Variants in TMEM177 observed in about 807,000 individuals in gnomAD.
The protein encoded by TMEM177 is transmembrane protein 177.
Under a neutral mutation model 14.2 loss-of-function variants are expected in TMEM177, and 4 were observed. The ratio of observed to expected loss-of-function variants is 0.28; its 90% CI spans 0.14 to 0.64. The LOEUF (loss-of-function observed/expected upper bound fraction) is 0.64, where lower values mean the gene tolerates loss of function less well. TMEM177 is among the 30% of genes least tolerant of loss of function. The pLI, the probability that TMEM177 is intolerant of heterozygous loss-of-function variation, is 0.82. For missense variants in TMEM177, 344 were observed against 405.2 expected (o/e 0.85, Z 1.30); for synonymous variants, 179 against 174.5 (o/e 1.03, Z -0.20).
chr2:119,698,637 A>G, the TMEM177 span: 2 of 182,310 alleles, frequency 1.1e-5, no homozygotes, highest in South Asian at 1.3e-4. Context: ...TTCGCTATTC[A>G]TTTGACCCAG....
At chr2:119,706,020 T>TATA in the TMEM177 span, among the ~76,000 whole-genome samples, 713 of 13,392 alleles carry the variant, frequency 0.053, 6 homozygotes, top group African/African-American at 0.088. Flanking sequence ...ATTATATATA[T>TATA]TTATATATAT....
the TMEM177 span, among the ~76,000 whole-genome samples, chr2:119,705,990 A>ATATTATATATTATATATTATATAT: frequency 2.1e-4 from 3 of 14,606 alleles, no homozygotes; most frequent in Non-Finnish European, 7.5e-4. Context: ...CTCTCTATAT[A>ATATTATATATTATATATTATATAT]TATATATTAT....
At chr2:119,702,731 G>T in the TMEM177 span, among the ~76,000 whole-genome samples, 1 of 152,228 alleles carries the variant, frequency 6.6e-6, no homozygotes, top group Non-Finnish European at 1.5e-5. Context: ...GGTGGTTGGG[G>T]AGTGTGATTG....
chr2:119,706,506 T>A, the TMEM177 span, among the ~76,000 whole-genome samples: 2 of 152,204 alleles, frequency 1.3e-5, no homozygotes, highest in African/African-American at 4.8e-5. Context: ...GCCACAGAGG[T>A]AATGCTGCTA....
downstream of TMEM177, among the ~76,000 whole-genome samples, chr2:119,689,232 A>G (rs1689060974): frequency 6.6e-6 from 1 of 152,192 alleles, no homozygotes; most frequent in Admixed American, 6.5e-5. Context: ...CTCCTCACTC[A>G]GTCAGGTGCA....
chr2:119,699,888 TAA>T, the TMEM177 span: 7 of 449,416 alleles, frequency 1.6e-5, no homozygotes, highest in African/African-American at 6.1e-5. Flanking sequence ...TGCACTAGCT[TAA>T]AAATGCAGAG....
chr2:119,681,857 G>C lies in TMEM177; in HGVS notation c.*68G>C, dbSNP rs1688916220. 4 of 1,494,374 alleles carry C rather than the reference G, an allele frequency of 2.7e-6. No individual in the cohort carries two copies. The highest frequency in any genetic ancestry group is 2.8e-5 in the African/African-American group (2 of 72,502). 92.6% of individuals were successfully genotyped at this position (1,494,374 alleles called of 1,614,324 possible). On this transcript the variant is annotated 3_prime_UTR_variant, in exon 2 of 2. Transcript: ENST00000272521. ...CCTGCCATTGAGTCTGGAGGGCCCT[G>C]TTGGAGCCTTTGGACCTATAGCTCA... is the stretch of plus-strand genomic sequence containing the variant.
the TMEM177 span, among the ~76,000 whole-genome samples, chr2:119,717,101 A>G: frequency 6.6e-6 from 1 of 152,206 alleles, no homozygotes; most frequent in African/African-American, 2.4e-5. Flanking sequence ...ATGGGACACC[A>G]TGGGCCTCAG....
downstream of TMEM177, chr2:119,685,565 C>T (rs779475027): frequency 5.8e-6 from 4 of 693,352 alleles, no homozygotes; most frequent in Non-Finnish European, 1.1e-5. Flanking sequence ...CCTTTATTAT[C>T]CTCCAGACAC....
the TMEM177 span, among the ~76,000 whole-genome samples, chr2:119,706,727 A>C: frequency 6.6e-6 from 1 of 152,144 alleles, no homozygotes; most frequent in African/African-American, 2.4e-5. Flanking sequence ...TAGGCACTCC[A>C]GGACCGGTGA....
the TMEM177 span, among the ~76,000 whole-genome samples, chr2:119,703,076 A>G: frequency 6.6e-6 from 1 of 152,320 alleles, no homozygotes; most frequent in East Asian, 1.9e-4. Context: ...AGCCCCCGGG[A>G]GAAGGGCCGG....
chr2:119,692,316 A>G, the TMEM177 span, among the ~76,000 whole-genome samples: 1,254 of 152,326 alleles, frequency 8.2e-3, 11 homozygotes, highest in African/African-American at 0.028. Flanking sequence ...GGTTGCATTA[A>G]CCTGGGGAAG....
chr2:119,699,383 C>T, the TMEM177 span, among the ~76,000 whole-genome samples: 4 of 152,168 alleles, frequency 2.6e-5, no homozygotes, highest in African/African-American at 7.2e-5. Context: ...TGATCCAATC[C>T]CCTCCCACTG....
chr2:119,701,351 G>C, the TMEM177 span, among the ~76,000 whole-genome samples: 77 of 152,334 alleles, frequency 5.1e-4, no homozygotes, highest in African/African-American at 1.8e-3. Flanking sequence ...GGTTCCTGGG[G>C]CTGGGTGAAG....
the TMEM177 span, among the ~76,000 whole-genome samples, chr2:119,704,327 T>C: frequency 6.6e-6 from 1 of 152,184 alleles, no homozygotes; most frequent in African/African-American, 2.4e-5. Flanking sequence ...GGGCCAGGCA[T>C]GTTGTCTCAC....
chr2:119,694,034 C>CACATACCATACACACAACACAA, the TMEM177 span, among the ~76,000 whole-genome samples: 2 of 78,752 alleles, frequency 2.5e-5, no homozygotes, highest in Non-Finnish European at 5.3e-5. Context: ...ACACATATGA[C>CACATACCATACACACAACACAA]ACATACCACA....
the TMEM177 span, among the ~76,000 whole-genome samples, chr2:119,708,523 A>G: frequency 1.3e-3 from 204 of 152,226 alleles, 1 homozygote; most frequent in African/African-American, 4.2e-3. Flanking sequence ...AAAGATGTCT[A>G]TTTTACAGTT....
the TMEM177 span, among the ~76,000 whole-genome samples, chr2:119,700,489 T>C: frequency 6.6e-6 from 1 of 152,214 alleles, no homozygotes; most frequent in African/African-American, 2.4e-5. Flanking sequence ...TTAGGTCTTC[T>C]GATATATATT....
chr2:119,702,395 T>C, the TMEM177 span, among the ~76,000 whole-genome samples: 18 of 152,356 alleles, frequency 1.2e-4, no homozygotes, highest in African/African-American at 4.3e-4. Context: ...TGCTGGCTGC[T>C]GGCTGCTGCC....
Sources: allele counts gnomAD v4.1 joint callset (sites outside exome capture counted in the v4.1 genomes callset), GRCh38; gene constraint gnomAD v4.1.1; transcripts MANE v1.5; gene names NCBI Gene and HGNC (gene_info 2026-07-23, HGNC 2026-07-21).